MAST2: variants seen among roughly 807,000 people sequenced by gnomAD.
MAST2 encodes microtubule-associated serine/threonine-protein kinase 2.
A neutral mutation model predicts 147.4 loss-of-function variants in MAST2; 70 were observed. That is an observed-to-expected ratio of 0.47 (90% CI 0.39 to 0.58). The LOEUF (loss-of-function observed/expected upper bound fraction) is 0.58. Ranked by LOEUF, MAST2 falls within the 20% of genes least tolerant of loss-of-function variation. MAST2 has a pLI of 0.00. For missense variants in MAST2, 2,080 were observed against 2,302.3 expected, an observed-to-expected ratio of 0.90 and a Z score of 1.98; for synonymous variants, 869 against 896.8, an observed-to-expected ratio of 0.97 and a Z score of 0.55.
At chr1:45,866,746 AC>A (rs1260389291) in intron 3 of MAST2, among the ~76,000 whole-genome samples, 1 of 116,508 alleles carries the variant, frequency 8.6e-6, no homozygotes, top group Non-Finnish European at 1.8e-5. Context: ...TATTTTGTCT[AC>A]TTTTTTTTTT....
intron 3 of MAST2, among the ~76,000 whole-genome samples, chr1:45,875,640 A>T (rs997816351): frequency 1.3e-5 from 2 of 152,044 alleles, no homozygotes; most frequent in Non-Finnish European, 2.9e-5. Context: ...AGTAGAAGTG[A>T]ATTGACAGAT....
chr1:45,827,050 AATCTC>A (rs1223074306), intron 2 of MAST2, among the ~76,000 whole-genome samples: 14 of 151,746 alleles, frequency 9.2e-5, no homozygotes, highest in African/African-American at 3.4e-4. Flanking sequence ...GAATGGTCTC[AATCTC>A]TTGACCTCGT....
chr1:45,959,984 T>C (rs1660181491), intron 5 of MAST2, among the ~76,000 whole-genome samples: 1 of 152,200 alleles, frequency 6.6e-6, no homozygotes, highest in South Asian at 2.1e-4. Context: ...TTGCCCAGGC[T>C]GGTCTTGAAA....
chr1:45,917,305 A>T (rs755421051), intron 4 of MAST2: 1 of 1,326,708 alleles, frequency 7.5e-7, no homozygotes, highest in Non-Finnish European at 1.0e-6. Flanking sequence ...GTTATCACTG[A>T]CCTTGTTTTT....
rs1405097354 is a variant in MAST2, at chr1:46,019,542, C to G, written c.1189-54C>G. 9.6e-6 allele frequency: 14 copies of G among 1,458,672 alleles called. No individual in the cohort carries two copies. The Admixed American group carries it at 1.7e-4, about 17-fold the overall frequency. The allele number at this position is 1,458,672 out of a possible 1,614,324, so 90.4% of individuals were successfully genotyped here. ...GTCAGCTCTGCCCTGTCTGGTCCTG[C>G]TTAGCCCAGCCACACTGGGCCAATA... On this transcript the variant is annotated intron_variant, in intron 10 of 28. Coordinates refer to ENST00000361297, the MANE Select transcript of MAST2 (RefSeq NM_015112.3).
At chr1:46,024,977 A>G (rs1472702956) in intron 15 of MAST2, among the ~76,000 whole-genome samples, 2 of 152,218 alleles carry the variant, frequency 1.3e-5, no homozygotes, top group Non-Finnish European at 2.9e-5. Context: ...CATGTCTCAC[A>G]TGGCAGCAGA....
intron 3 of MAST2, among the ~76,000 whole-genome samples, chr1:45,871,712 G>C (rs1461382379): frequency 6.6e-6 from 1 of 152,158 alleles, no homozygotes; most frequent in Admixed American, 6.5e-5. Context: ...TAAATCTGTT[G>C]TAATTTTGTC....
In MAST2 at chr1:46,008,455, A is replaced by G. The variant is rs1195201098; in HGVS notation, c.978+84A>G. The G allele has an allele frequency of 7.0e-6, 6 of 858,148 alleles. No individual in the cohort carries two copies. The East Asian group carries it at 1.2e-4, about 18-fold the overall frequency. 53.2% of individuals were successfully genotyped at this position (858,148 alleles called of 1,614,324 possible). Reference sequence around the variant, plus strand: ...GCCCCAATGGGAGACTCTGGAGTGAAGGAATGAAGTGCTACCTCCAGAGAT... The same window carrying G: ...GCCCCAATGGGAGACTCTGGAGTGAGGGAATGAAGTGCTACCTCCAGAGAT... On this transcript the variant is annotated intron_variant, in intron 9 of 28. Transcript: ENST00000361297.
chr1:45,811,779 G>A (rs1441010979), intron 1 of MAST2, among the ~76,000 whole-genome samples: 2 of 149,730 alleles, frequency 1.3e-5, no homozygotes, highest in Non-Finnish European at 3.0e-5. Flanking sequence ...GACTACAGGC[G>A]CCCGCCACCA....
At chr1:46,009,137 C>T (rs1645608535) in intron 9 of MAST2, among the ~76,000 whole-genome samples, 3 of 152,170 alleles carry the variant, frequency 2.0e-5, no homozygotes, top group Admixed American at 2.0e-4. Flanking sequence ...TCACTGCACC[C>T]TCTGCCTCCG....
intron 5 of MAST2, among the ~76,000 whole-genome samples, chr1:45,974,321 G>T (rs907692419): frequency 1.3e-5 from 2 of 152,212 alleles, no homozygotes; most frequent in African/African-American, 4.8e-5. Context: ...TTGAGGCCAG[G>T]TGCTGTGGCT....
chr1:45,992,831 A>C (rs902783196), intron 5 of MAST2, among the ~76,000 whole-genome samples: 1 of 151,530 alleles, frequency 6.6e-6, no homozygotes. Context: ...TAATTATTCC[A>C]CCTGTTTTTT....
At chr1:46,010,219 T>C (rs2149233480) in intron 9 of MAST2, among the ~76,000 whole-genome samples, 1 of 152,278 alleles carries the variant, frequency 6.6e-6, no homozygotes, top group Middle Eastern at 3.4e-3. Flanking sequence ...GCAGTGCCCA[T>C]ACACTAAGTT....
rs1235152145 is a variant in MAST2, at chr1:45,840,907, T to G, written c.468+11326T>G. ...AATATAGCCTACATGCATTGGGGGATGGAACATTCTGAACTGCATTTGGTA... is the reference window on the plus strand; with the variant it reads ...AATATAGCCTACATGCATTGGGGGAGGGAACATTCTGAACTGCATTTGGTA... On this transcript the variant is annotated intron_variant, in intron 3 of 28. Transcript: ENST00000361297. 2.6e-5 allele frequency among the ~76,000 whole-genome samples: 4 copies of G among 152,198 alleles called. 1 individual carries two copies. Among genetic ancestry groups the G allele is most frequent in the Non-Finnish European group, 5.9e-5 (4 of 68,034 alleles).
chr1:46,011,222 G>A, intron 10 of MAST2: 1 of 400,152 alleles, frequency 2.5e-6, no homozygotes, highest in Admixed American at 4.0e-5. Flanking sequence ...GTAGTCATAA[G>A]TATTTGACTA....
At chr1:46,006,206 T>C (rs1182686830) in intron 7 of MAST2, 35 bp from the exon 8 acceptor site, 6 of 1,591,630 alleles carry the variant, frequency 3.8e-6, no homozygotes, top group Non-Finnish European at 5.1e-6. Flanking sequence ...CTGGGACATG[T>C]CTTTAATGCC....
At chr1:46,014,973 G>C (rs1645872899) in intron 10 of MAST2, among the ~76,000 whole-genome samples, 1 of 151,524 alleles carries the variant, frequency 6.6e-6, no homozygotes, top group Admixed American at 6.6e-5. Context: ...ATAACAAACT[G>C]TCTCTCAGAC....
At chr1:45,964,888 A>G (rs1434184803) in intron 5 of MAST2, among the ~76,000 whole-genome samples, 1 of 151,958 alleles carries the variant, frequency 6.6e-6, no homozygotes, top group Non-Finnish European at 1.5e-5. Flanking sequence ...GTACTGCTTT[A>G]AATATGTCCC....
chr1:45,852,158 G>A (rs762389404), intron 3 of MAST2, among the ~76,000 whole-genome samples: 4 of 151,960 alleles, frequency 2.6e-5, no homozygotes, highest in Non-Finnish European at 4.4e-5. Flanking sequence ...ATATACACTT[G>A]TATATGTTTG....
Sources: gnomAD v4.1 joint callset for allele counts (sites outside exome capture counted in the v4.1 genomes callset) on GRCh38, gnomAD v4.1.1 for gene constraint, MANE v1.5 for transcripts, NCBI Gene and HGNC (gene_info 2026-07-23, HGNC 2026-07-21) for gene names.